Variants in ERAP1 observed in about 807,000 individuals in gnomAD.
ERAP1 encodes adipocyte-derived leucine aminopeptidase.
Under a neutral mutation model 103.7 loss-of-function variants are expected in ERAP1, and 86 were observed. The observed-to-expected ratio is 0.83, with a 90% CI of 0.70 to 0.99. The LOEUF (loss-of-function observed/expected upper bound fraction) is 0.99, where lower values mean the gene tolerates loss of function less well. Ranked by LOEUF, ERAP1 falls within the 50% of genes least tolerant of loss-of-function variation. The pLI is 0.00. For missense variants in ERAP1, 1,009 were observed against 1,128.4 expected (o/e 0.89, Z 1.52); for synonymous variants, 398 against 402.4 (o/e 0.99, Z 0.13).
Position 96,776,278 on chromosome 5 carries a change from G to A in ERAP1, c.*118C>T. ...CTTTTCACAGGGATAGTCAAAAAAT[G>A]AGTTGAAGGGAAAAAAGTATCTCCA... On this transcript the variant is annotated 3_prime_UTR_variant, in exon 19 of 19. Coordinates refer to ENST00000443439, the MANE Select transcript of ERAP1 (RefSeq NM_001040458.3). 6.5e-7 allele frequency: 1 copy of A among 1,531,392 alleles called. No homozygotes were observed. The highest frequency in any genetic ancestry group is 1.7e-4 in the Middle Eastern group (1 of 5,728). The allele number at this position is 1,531,392 out of a possible 1,614,324, so 94.9% of individuals were successfully genotyped here.
chr5:96,781,650 A>T, intron 16 of ERAP1, 43 bp downstream of exon 16: 1 of 1,612,886 alleles, frequency 6.2e-7, no homozygotes, highest in Non-Finnish European at 8.5e-7. Flanking sequence ...AATCTAATCT[A>T]ATTTCCCTTG....
the ERAP1 span, chr5:96,917,585 T>A: frequency 5.0e-6 from 8 of 1,613,518 alleles, no homozygotes; most frequent in Non-Finnish European, 6.8e-6. Context: ...TCTGAGGACT[T>A]GGCTAATGGT....
the ERAP1 span, chr5:96,935,746 G>C: frequency 6.5e-3 from 1,262 of 193,456 alleles, 19 homozygotes; most frequent in African/African-American, 0.027. Flanking sequence ...ATTTTCTGGC[G>C]CAGTGCGGGT....
the ERAP1 span, chr5:96,896,946 A>G: frequency 1.5e-5 from 21 of 1,388,682 alleles, no homozygotes; most frequent in Non-Finnish European, 2.0e-5. Context: ...AAATAGCTAT[A>G]TATTGTCAGT....
At chr5:96,881,898 C>T in the ERAP1 span, among the ~76,000 whole-genome samples, 3 of 152,190 alleles carry the variant, frequency 2.0e-5, no homozygotes, top group East Asian at 5.8e-4. Flanking sequence ...ACAAGGTAGC[C>T]TGTAAGAAGT....
intron 1 of ERAP1, 57 bp from the exon 2 acceptor site, chr5:96,804,000 A>G: frequency 1.3e-6 from 2 of 1,568,398 alleles, no homozygotes; most frequent in Non-Finnish European, 1.7e-6. Flanking sequence ...TTATTGACAC[A>G]GCATAATTTC....
intron 14 of ERAP1, among the ~76,000 whole-genome samples, chr5:96,783,624 C>T (rs11748519): frequency 3.9e-5 from 6 of 151,940 alleles, no homozygotes; most frequent in Non-Finnish European, 8.8e-5. Flanking sequence ...AAAATCTGAA[C>T]GTCAGCCATT....
chr5:96,863,576 C>T, the ERAP1 span, among the ~76,000 whole-genome samples: 1 of 151,446 alleles, frequency 6.6e-6, no homozygotes, highest in African/African-American at 2.4e-5. Flanking sequence ...TTTCTTGTTC[C>T]CCGAAACAGA....
At chr5:96,772,019 T>C (rs536828368), downstream of ERAP1, 12 of 195,674 alleles carry the variant, frequency 6.1e-5, no homozygotes, top group South Asian at 1.5e-4. Flanking sequence ...CTGCAGGTTA[T>C]TGTGGCAAAG....
the ERAP1 span, among the ~76,000 whole-genome samples, chr5:96,911,723 A>G: frequency 2.0e-5 from 3 of 151,940 alleles, no homozygotes; most frequent in East Asian, 3.9e-4. Flanking sequence ...AAATTTAAAA[A>G]TTAGCCGGGC....
At chr5:96,884,383 C>T in the ERAP1 span, among the ~76,000 whole-genome samples, 93,970 of 151,990 alleles carry the variant, frequency 0.62, 29,181 homozygotes, top group Middle Eastern at 0.74. Flanking sequence ...CCACTGCTGA[C>T]GGTCCAGAGA....
the ERAP1 span, chr5:96,884,007 T>C: frequency 1.5e-6 from 2 of 1,347,442 alleles, no homozygotes; most frequent in Middle Eastern, 1.9e-4. Context: ...TAAAATTGCT[T>C]TCAGGATTTC....
intron 18 of ERAP1, chr5:96,776,954 C>G (rs956958912): frequency 1.1e-5 from 2 of 189,070 alleles, no homozygotes; most frequent in African/African-American, 4.8e-5. Context: ...GTTTCCACCA[C>G]GTAAGTGCTG....
At chr5:96,814,334 G>A in the ERAP1 span, 1 of 456,248 alleles carries the variant, frequency 2.2e-6, no homozygotes, top group Non-Finnish European at 4.4e-6. Flanking sequence ...AATTATGCAA[G>A]AGAATGAATA....
chr5:96,831,881 T>C, the ERAP1 span, among the ~76,000 whole-genome samples: 1 of 152,252 alleles, frequency 6.6e-6, no homozygotes, highest in South Asian at 2.1e-4. Flanking sequence ...TGAGCTGGGT[T>C]GAGAAGACCT....
At chr5:96,914,344 T>G in the ERAP1 span, among the ~76,000 whole-genome samples, 1 of 152,312 alleles carries the variant, frequency 6.6e-6, no homozygotes, top group Admixed American at 6.5e-5. Context: ...TTCATAGCCG[T>G]GGAAGGTTTA....
At chr5:96,787,774 GGTGTATATATTATATATATATATGTGT>G (rs1776226918) in intron 11 of ERAP1, among the ~76,000 whole-genome samples, 1 of 88,230 alleles carries the variant, frequency 1.1e-5, no homozygotes, top group Non-Finnish European at 2.6e-5. Context: ...GGGGGAGGGA[GGTGTATATATTATATATATATATGTGT>G]GTGTATATAT....
the ERAP1 span, among the ~76,000 whole-genome samples, chr5:96,889,927 A>G: frequency 6.6e-6 from 1 of 152,158 alleles, no homozygotes; most frequent in Admixed American, 6.6e-5. Flanking sequence ...GTACAAGGTC[A>G]GCAATCTTTT....
chr5:96,878,228 T>A, the ERAP1 span, among the ~76,000 whole-genome samples: 1 of 151,840 alleles, frequency 6.6e-6, no homozygotes, highest in African/African-American at 2.4e-5. Flanking sequence ...AACCGAACCT[T>A]AAAAAAATTC....
Sources: gnomAD v4.1 joint callset for allele counts (sites outside exome capture counted in the v4.1 genomes callset) on GRCh38, gnomAD v4.1.1 for gene constraint, MANE v1.5 for transcripts, NCBI Gene and HGNC (gene_info 2026-07-23, HGNC 2026-07-21) for gene names.